The following C10orf90 variants were observed in gnomAD, a reference collection of about 807,000 sequenced individuals.
The protein encoded by C10orf90 is (E2-independent) E3 ubiquitin-conjugating enzyme FATS.
In C10orf90, 56 loss-of-function variants were observed where a neutral mutation model predicts 62.5. The observed-to-expected ratio is 0.90, with a 90% confidence interval of 0.72 to 1.12. The LOEUF (loss-of-function observed/expected upper bound fraction) is 1.12, where lower values mean the gene tolerates loss of function less well. Ranked by LOEUF, C10orf90 falls within the 50% of genes most tolerant of loss-of-function variation. The probability of loss-of-function intolerance (pLI) is 0.00; values close to 1 mark genes in which losing one functional copy is unlikely to be tolerated. For synonymous variants in C10orf90, 386 were observed against 340.4 expected (o/e 1.13, Z -1.47); for missense variants, 970 against 880.4 (o/e 1.10, Z -1.29).
Position 126,661,668 on chromosome 10 carries a change from CTCTT to C in C10orf90, c.240+8569_240+8572del, listed in dbSNP as rs572384804. Among the ~76,000 whole-genome samples the C allele has an allele frequency of 4.7e-3, 683 of 145,592 alleles. 6 individuals are homozygous for C. The highest frequency in any genetic ancestry group is 0.017 in the African/African-American group (651 of 39,408). ...TCTGAATCTCACTCTTGCTCTCTCT[CTCTT>C]TTTTTTTTTTTCTCTCTTGTCTTCA... On this transcript the variant is annotated intron_variant, in intron 1 of 9. Coordinates refer to ENST00000488181, the MANE Select transcript of C10orf90 (RefSeq NM_001350921.2).
intron 4 of C10orf90, among the ~76,000 whole-genome samples, chr10:126,493,400 G>A (rs547422832): frequency 3.4e-5 from 5 of 148,862 alleles, no homozygotes; most frequent in South Asian, 2.1e-4. Context: ...TCGCTCTGTC[G>A]CCTAGGCTAG....
Position 126,461,400 on chromosome 10 carries a change from C to G in C10orf90, c.2010+1G>C, listed in dbSNP as rs780555323. On this transcript the variant is annotated splice_donor_variant, in intron 6 of 9. Transcript: ENST00000488181. LOFTEE classifies it high-confidence loss of function. ...AAGCCAGGACACACAGAAGGCCTTA[C>G]TTGCAAGGTCAAAGATCTTGCAGGC... The G allele has an allele frequency of 1.2e-6, 2 of 1,613,908 alleles. No homozygotes were observed. Among genetic ancestry groups the G allele is most frequent in the Middle Eastern group, 1.7e-4 (1 of 6,050 alleles).
At chr10:126,475,701 A>C (rs1372973563) in intron 4 of C10orf90, among the ~76,000 whole-genome samples, 2 of 152,194 alleles carry the variant, frequency 1.3e-5, no homozygotes, top group South Asian at 4.1e-4. Flanking sequence ...ACCTTAATTC[A>C]TGGTCATGGG....
chr10:126,443,874 C>G (rs905640561), intron 7 of C10orf90, among the ~76,000 whole-genome samples: 11 of 152,022 alleles, frequency 7.2e-5, no homozygotes, highest in Non-Finnish European at 1.2e-4. Flanking sequence ...TTAACATACA[C>G]AAGTCAATAA....
At chr10:126,542,903 A>G (rs1398501385) in intron 2 of C10orf90, among the ~76,000 whole-genome samples, 1 of 152,246 alleles carries the variant, frequency 6.6e-6, no homozygotes, top group Non-Finnish European at 1.5e-5. Flanking sequence ...ATGTGCCTCA[A>G]GATATGTGTA....
intron 7 of C10orf90, among the ~76,000 whole-genome samples, chr10:126,449,547 T>G (rs1376536680): frequency 6.6e-6 from 1 of 152,000 alleles, no homozygotes; most frequent in Non-Finnish European, 1.5e-5. Context: ...GGCAATTATT[T>G]AAGAAAAAAA....
intron 4 of C10orf90, chr10:126,502,835 C>A: frequency 1.9e-6 from 1 of 526,946 alleles, no homozygotes; most frequent in Non-Finnish European, 3.9e-6. Flanking sequence ...TGTAATAAGT[C>A]TGTAAGACAT....
At position 126,565,066 on chromosome 10, in the gene C10orf90, ATT is replaced by A. The variant is rs1325101368; in HGVS notation, c.314-51129_314-51128del. On this transcript the variant is annotated intron_variant, in intron 2 of 9. Transcript: ENST00000488181. ...ATAATATATAATATATAAAATATATATTATATATAATATATAAAATATATATT... is the reference window on the plus strand; with the variant it reads ...ATAATATATAATATATAAAATATATAATATATAATATATAAAATATATATT... 3.7e-3 allele frequency among the ~76,000 whole-genome samples: 107 copies of A among 28,686 alleles called. 4 individuals carry two copies. Among genetic ancestry groups the A allele is most frequent in the Admixed American group, 4.6e-3 (6 of 1,300 alleles). The allele number at this position is 28,686 out of a possible 152,430, so 18.8% of individuals were successfully genotyped here. A position where few individuals can be genotyped will look rare whatever the true frequency, so the allele number is the denominator to read the frequency against.
intron 2 of C10orf90, among the ~76,000 whole-genome samples, chr10:126,542,490 G>A (rs756139633): frequency 2.0e-5 from 3 of 152,038 alleles, no homozygotes; most frequent in Admixed American, 1.3e-4. Context: ...GCGACAGAGC[G>A]AGACTCTGTC....
chr10:126,448,508 C>T (rs2134058652), intron 7 of C10orf90, among the ~76,000 whole-genome samples: 1 of 151,936 alleles, frequency 6.6e-6, no homozygotes, highest in Non-Finnish European at 1.5e-5. Context: ...ACAAGCTAAG[C>T]CCAAAGTTGG....
At position 126,521,399 on chromosome 10, in the gene C10orf90, GA is replaced by G. The variant is rs1334955343; in HGVS notation, c.314-7461del. 2.7e-5 allele frequency: 44 copies of G among 1,602,552 alleles called. No homozygotes were observed. In the Admixed American group the frequency reaches 3.6e-4, roughly 13 times the overall value. ...CAAGGATGTATTTGGCGACATGAAAGAAAAAAATGTCCGGAGTTTACCTCTG... is the reference window on the plus strand; with the variant it reads ...CAAGGATGTATTTGGCGACATGAAAGAAAAAATGTCCGGAGTTTACCTCTG... On this transcript the variant is annotated intron_variant, in intron 2 of 9. Coordinates refer to ENST00000488181, the MANE Select transcript of C10orf90 (RefSeq NM_001350921.2).
At chr10:126,515,816 A>G (rs1047068586) in intron 2 of C10orf90, among the ~76,000 whole-genome samples, 2 of 152,316 alleles carry the variant, frequency 1.3e-5, no homozygotes, top group Non-Finnish European at 2.9e-5. Flanking sequence ...GCTATGTCTC[A>G]TCTTGTCCTT....
Position 126,504,526 on chromosome 10 carries a change from G to C in C10orf90, c.965C>G (p.Thr322Ser). 6.2e-7 allele frequency: 1 copy of C among 1,614,224 alleles called. No homozygotes were observed. The highest frequency in any genetic ancestry group is 1.1e-5 in the South Asian group (1 of 91,092). Residue 322 changes from threonine to serine, a missense_variant, in exon 4 of 10, where the codon ACC (threonine) becomes AGC (serine). Transcript: ENST00000488181. This position sits in a 1 kb window ranked among gnomAD's most constrained non-coding sequence, Gnocchi z 4.1. ...GLCERRKYWV[T>S]HADDKETSFS... ...ACTGGTCTCTTTGTCGTCTGCATGG[G>C]TGACCCAGTACTTGCGTCTCTCACA... is the stretch of plus-strand genomic sequence containing the variant.
chr10:126,586,612 T>C (rs1463231154), intron 2 of C10orf90, among the ~76,000 whole-genome samples: 2 of 152,222 alleles, frequency 1.3e-5, no homozygotes, highest in African/African-American at 2.4e-5. Context: ...GCTCAGAATA[T>C]GCCTACGGAA....
chr10:126,457,331 A>C (rs1162056836), intron 7 of C10orf90, among the ~76,000 whole-genome samples: 1 of 152,224 alleles, frequency 6.6e-6, no homozygotes, highest in Non-Finnish European at 1.5e-5. Context: ...GATTTCTCAC[A>C]GCAGCCCTAG....
intron 2 of C10orf90, among the ~76,000 whole-genome samples, chr10:126,600,151 AGTGTGTGCGTATCGCAT>A (rs895258004): frequency 9.2e-4 from 140 of 152,092 alleles, no homozygotes; most frequent in Admixed American, 5.9e-4. Context: ...TGTGTGCACA[AGTGTGTGCGTATCGCAT>A]GTGTGTGCAC....
At chr10:126,434,342 T>A (rs749798297) in intron 7 of C10orf90, among the ~76,000 whole-genome samples, 4 of 152,228 alleles carry the variant, frequency 2.6e-5, no homozygotes, top group Non-Finnish European at 4.4e-5. Context: ...GCCACCAGCA[T>A]GATTCGTTGT....
At chr10:126,476,978 C>CGGCTCA (rs1404040342) in intron 4 of C10orf90, among the ~76,000 whole-genome samples, 1 of 141,156 alleles carries the variant, frequency 7.1e-6, no homozygotes, top group Non-Finnish European at 1.5e-5. Context: ...GGCATGATCT[C>CGGCTCA]GGCTCACTGC....
chr10:126,656,756 T>C (rs1846403166), intron 1 of C10orf90, among the ~76,000 whole-genome samples: 8 of 152,216 alleles, frequency 5.3e-5, no homozygotes. Flanking sequence ...TATGTCACGA[T>C]TTGGTACTGG....
Sources: allele counts gnomAD v4.1 joint callset (sites outside exome capture counted in the v4.1 genomes callset), GRCh38; gene constraint gnomAD v4.1.1; non-coding constraint Gnocchi (gnomAD v3.1); transcripts MANE v1.5; gene names NCBI Gene and HGNC (gene_info 2026-07-23, HGNC 2026-07-21).